Variants in IFT46 observed in about 807,000 individuals in gnomAD.
IFT46 encodes the protein intraflagellar transport 46.
A neutral mutation model predicts 39.6 loss-of-function variants in IFT46; 19 were observed. That is an observed-to-expected ratio of 0.48 (90% confidence interval 0.33 to 0.70). The LOEUF (loss-of-function observed/expected upper bound fraction) is 0.70. Among genes scored for constraint, IFT46 ranks in the 30% least tolerant of loss-of-function variants. The pLI is 0.01. For synonymous variants in IFT46, 117 were observed against 134.8 expected (o/e 0.87, Z 0.91); for missense variants, 334 against 364.8 (o/e 0.92, Z 0.69).
intron 3 of IFT46, 124 bp downstream of exon 3, chr11:118,559,661 G>A (rs1018307192): frequency 7.9e-6 from 6 of 763,760 alleles, no homozygotes; most frequent in Admixed American, 2.1e-5. Context: ...TCCTCCATGA[G>A]CTCAAAGGTC....
exon 1 of IFT46, chr11:118,572,711 C>T (rs559487373): frequency 2.6e-6 from 2 of 774,154 alleles, no homozygotes; most frequent in Non-Finnish European, 4.1e-6. Context: ...TGTGCCCGGT[C>T]TCCTGGAGAT....
At chr11:118,547,789 C>G (rs1326215108) in intron 9 of IFT46, among the ~76,000 whole-genome samples, 2 of 146,904 alleles carry the variant, frequency 1.4e-5, no homozygotes, top group African/African-American at 5.0e-5. Context: ...CTCTTTCGCC[C>G]AGGCTGGAGT....
chr11:118,548,231 A>AT (rs1555067682), intron 9 of IFT46, among the ~76,000 whole-genome samples: 1 of 149,374 alleles, frequency 6.7e-6, no homozygotes, highest in African/African-American at 2.5e-5. Flanking sequence ...TTGGACGGTA[A>AT]TTTTTTCTAT....
chr11:118,573,541 T>G, upstream of IFT46: 2 of 542,216 alleles, frequency 3.7e-6, no homozygotes, highest in Non-Finnish European at 6.7e-6. Context: ...AGCTAGTAAT[T>G]TATTTTTCAG....
chr11:118,546,686 T>C (rs1555067256), intron 9 of IFT46: 1 of 154,052 alleles, frequency 6.5e-6, no homozygotes, highest in East Asian at 1.9e-4. Context: ...ATGGAATTGG[T>C]CATATGTTTT....
At chr11:118,548,371 T>G (rs1466866474) in intron 9 of IFT46, among the ~76,000 whole-genome samples, 1 of 148,208 alleles carries the variant, frequency 6.7e-6, no homozygotes, top group East Asian at 2.0e-4. Flanking sequence ...TTACGACTTT[T>G]TTTTTTTTTT....
chr11:118,559,969 G>T (rs568223743), intron 2 of IFT46, 105 bp from the exon 3 acceptor site: 5 of 678,058 alleles, frequency 7.4e-6, no homozygotes, highest in Non-Finnish European at 1.3e-5. Flanking sequence ...ATAAAACAAG[G>T]TTTATTGGAA....
At chr11:118,551,472 G>A (rs1951800326) in intron 9 of IFT46, among the ~76,000 whole-genome samples, 1 of 151,962 alleles carries the variant, frequency 6.6e-6, no homozygotes, top group African/African-American at 2.4e-5. Flanking sequence ...CCAGGAGTTT[G>A]AGAACAGCCT....
chr11:118,574,082 T>G (rs1555073003), upstream of IFT46, among the ~76,000 whole-genome samples: 2 of 152,196 alleles, frequency 1.3e-5, no homozygotes, highest in Non-Finnish European at 2.9e-5. Context: ...TGAGGGATGG[T>G]AAAGCCCTAC....
At chr11:118,562,634 C>A (rs534240281) in intron 2 of IFT46, among the ~76,000 whole-genome samples, 8 of 152,180 alleles carry the variant, frequency 5.3e-5, no homozygotes, top group Non-Finnish European at 1.2e-4. Flanking sequence ...AAGTCAAAAA[C>A]CTAGGTGGCT....
At chr11:118,551,988 G>A in intron 8 of IFT46, 136 bp from the exon 9 acceptor site, 2 of 1,017,178 alleles carry the variant, frequency 2.0e-6, no homozygotes, top group Non-Finnish European at 1.5e-6. Context: ...CCTAGACTGG[G>A]CATACCAAAG....
intron 2 of IFT46, chr11:118,560,187 A>G: frequency 4.0e-6 from 1 of 250,934 alleles, no homozygotes; most frequent in Non-Finnish European, 7.5e-6. Context: ...GGGAGGCAGG[A>G]GGATCACTTG....
intron 2 of IFT46, chr11:118,560,798 G>T: frequency 1.4e-6 from 1 of 732,020 alleles, no homozygotes. Flanking sequence ...GAAATGCTTG[G>T]TGATACAGGA....
At chr11:118,569,674 A>T (rs1938297003), upstream of IFT46, among the ~76,000 whole-genome samples, 1 of 152,124 alleles carries the variant, frequency 6.6e-6, no homozygotes, top group African/African-American at 2.4e-5. Flanking sequence ...CTGTGGTGGG[A>T]TAGTTTTCTT....
intron 1 of IFT46, chr11:118,572,515 G>A (rs1938367624): frequency 1.9e-6 from 3 of 1,611,234 alleles, no homozygotes; most frequent in South Asian, 1.1e-5. Flanking sequence ...CAGTGGAGCC[G>A]GAGTGCGGGC....
At chr11:118,555,559 T>C in intron 4 of IFT46, 1 of 426,510 alleles carries the variant, frequency 2.3e-6, no homozygotes, top group South Asian at 4.4e-5. Context: ...TAATATTTTT[T>C]TGATGTTAAA....
chr11:118,574,815 G>C (rs1555073158), upstream of IFT46, among the ~76,000 whole-genome samples: 2 of 151,910 alleles, frequency 1.3e-5, no homozygotes, highest in African/African-American at 4.8e-5. Flanking sequence ...GAGGGCAGTA[G>C]CTATTCACAG....
chr11:118,568,253 C>CA (rs1413609682), upstream of IFT46, among the ~76,000 whole-genome samples: 5 of 152,036 alleles, frequency 3.3e-5, no homozygotes, highest in African/African-American at 1.2e-4. Context: ...CTTTTTGTAA[C>CA]AAAAATTAAA....
upstream of IFT46, among the ~76,000 whole-genome samples, chr11:118,569,740 A>C (rs1259277563): frequency 6.6e-6 from 1 of 152,174 alleles, no homozygotes; most frequent in African/African-American, 2.4e-5. Context: ...TACCTATCTC[A>C]GAGGATTCTT....
Sources: allele counts gnomAD v4.1 joint callset (sites outside exome capture counted in the v4.1 genomes callset), GRCh38; gene constraint gnomAD v4.1.1; transcripts MANE v1.5; gene names NCBI Gene and HGNC (gene_info 2026-07-23, HGNC 2026-07-21).